The following SGCZ variants were observed in gnomAD, a reference collection of about 807,000 sequenced individuals.
SGCZ encodes zeta-sarcoglycan.
In SGCZ, 40 loss-of-function variants were observed where a neutral mutation model predicts 41.3. The observed-to-expected ratio is 0.97, with a 90% confidence interval of 0.75 to 1.26. The LOEUF is 1.26. Ranked by LOEUF, SGCZ falls within the 50% of genes most tolerant of loss-of-function variation. The pLI is 0.00. For synonymous variants in SGCZ, 206 were observed against 137.5 expected, an observed-to-expected ratio of 1.50 and a Z score of -3.49; for missense variants, 552 against 369.8, an observed-to-expected ratio of 1.49 and a Z score of -4.04.
chr8:14,437,872 G>T (rs1800137932), intron 2 of SGCZ, among the ~76,000 whole-genome samples: 1 of 151,620 alleles, frequency 6.6e-6, no homozygotes, highest in Non-Finnish European at 1.5e-5. Flanking sequence ...AATATCATAT[G>T]AAGTAATATC....
At chr8:14,599,001 G>C (rs1433818606) in intron 1 of SGCZ, among the ~76,000 whole-genome samples, 4 of 152,006 alleles carry the variant, frequency 2.6e-5, no homozygotes, top group African/African-American at 4.8e-5. Context: ...TCCACATAAT[G>C]TTTAAAATAC....
At chr8:14,213,473 G>C (rs1805886165) in intron 4 of SGCZ, among the ~76,000 whole-genome samples, 1 of 151,664 alleles carries the variant, frequency 6.6e-6, no homozygotes, top group African/African-American at 2.4e-5. Flanking sequence ...AGGAACTAAA[G>C]GAAAATAAAC....
chr8:14,309,036 A>T (rs1801437851), intron 3 of SGCZ: 2 of 1,263,206 alleles, frequency 1.6e-6, no homozygotes, highest in Non-Finnish European at 2.2e-6. Flanking sequence ...ATGAAACCGG[A>T]AGCCTCCCCT....
At chr8:14,487,909 G>C (rs1163948370) in intron 2 of SGCZ, 1 of 152,140 alleles carries the variant, frequency 6.6e-6, no homozygotes, top group South Asian at 2.1e-4. Flanking sequence ...CTACTCTGTA[G>C]TAAGTGTTAT....
intron 1 of SGCZ, among the ~76,000 whole-genome samples, chr8:14,687,176 A>G (rs1052687573): frequency 1.4e-5 from 2 of 146,744 alleles, no homozygotes; most frequent in African/African-American, 4.9e-5. Context: ...AAAAAAATAT[A>G]TATATATATA....
intron 1 of SGCZ, among the ~76,000 whole-genome samples, chr8:14,628,654 A>G (rs1806543098): frequency 6.6e-6 from 1 of 152,212 alleles, no homozygotes; most frequent in African/African-American, 2.4e-5. Context: ...GCAAATGACA[A>G]GAGACAAAAC....
At chr8:14,366,710 A>G (rs2117148849) in intron 2 of SGCZ, among the ~76,000 whole-genome samples, 1 of 152,278 alleles carries the variant, frequency 6.6e-6, no homozygotes, top group Non-Finnish European at 1.5e-5. Context: ...AATTCCCTGA[A>G]GTGTTAACTC....
chr8:14,957,786 G>A (rs1800837619), intron 1 of SGCZ, among the ~76,000 whole-genome samples: 1 of 151,952 alleles, frequency 6.6e-6, no homozygotes. Flanking sequence ...TTCTCATGGT[G>A]GATGCTGTAG....
chr8:15,144,172 A>C (rs909194436), intron 1 of SGCZ, among the ~76,000 whole-genome samples: 4 of 152,234 alleles, frequency 2.6e-5, no homozygotes, highest in Non-Finnish European at 1.5e-5. Context: ...TTGGTGTAAT[A>C]AAAGGTGATA....
chr8:14,395,143 GC>G (rs2117228558), intron 2 of SGCZ, among the ~76,000 whole-genome samples: 1 of 152,212 alleles, frequency 6.6e-6, no homozygotes, highest in East Asian at 1.9e-4. Flanking sequence ...TCTGTTCTTA[GC>G]TTTTCTCTCA....
intron 1 of SGCZ, among the ~76,000 whole-genome samples, chr8:14,595,400 AACACACACACAC>A (rs34287378): frequency 5.3e-4 from 72 of 136,378 alleles, no homozygotes; most frequent in Middle Eastern, 3.9e-3. Context: ...AACATGCACA[AACACACACACAC>A]ACACACACAC....
At chr8:14,901,268 A>G (rs958579069) in intron 1 of SGCZ, among the ~76,000 whole-genome samples, 2 of 152,138 alleles carry the variant, frequency 1.3e-5, no homozygotes, top group African/African-American at 2.4e-5. Flanking sequence ...TCCTGTGATG[A>G]CTCACTGGTA....
At chr8:14,753,835 T>G (rs1051337337) in intron 1 of SGCZ, among the ~76,000 whole-genome samples, 4 of 152,230 alleles carry the variant, frequency 2.6e-5, no homozygotes, top group Non-Finnish European at 5.9e-5. Context: ...TGGACAACTT[T>G]CACTAGCTGC....
intron 1 of SGCZ, among the ~76,000 whole-genome samples, chr8:15,157,558 T>A (rs192825644): frequency 1.6e-3 from 240 of 152,306 alleles, no homozygotes; most frequent in African/African-American, 5.1e-3. Flanking sequence ...TATGCCTTCA[T>A]CACTTGTAAT....
chr8:14,681,761 T>C (rs1474369141), intron 1 of SGCZ, among the ~76,000 whole-genome samples: 1 of 152,158 alleles, frequency 6.6e-6, no homozygotes, highest in Non-Finnish European at 1.5e-5. Context: ...GGTGAATGAA[T>C]ATCTTAGAGA....
intron 1 of SGCZ, among the ~76,000 whole-genome samples, chr8:14,629,130 C>T (rs542278853): frequency 4.4e-4 from 67 of 152,168 alleles, no homozygotes; most frequent in African/African-American, 1.6e-3. Flanking sequence ...AAAATTGAAG[C>T]CCCTATATCC....
At chr8:14,953,234 G>A (rs1363297537) in intron 1 of SGCZ, among the ~76,000 whole-genome samples, 1 of 152,108 alleles carries the variant, frequency 6.6e-6, no homozygotes, top group African/African-American at 2.4e-5. Context: ...CAGTCATGGT[G>A]CAAGGCGAAG....
At position 14,375,416 on chromosome 8, in the gene SGCZ, G is replaced by C. The variant is rs141826207; in HGVS notation, c.235-51212C>G. On this transcript the variant is annotated intron_variant, in intron 2 of 7. Transcript: ENST00000382080. ...AAGAAGGCCTAAATCCCATGATCAA[G>C]AACATAATTATTAGGAAGGTTGACT... Among the ~76,000 whole-genome samples the C allele has an allele frequency of 8.9e-3, 1,358 of 152,152 alleles. 14 individuals carry two copies. The highest frequency in any genetic ancestry group is 0.019 in the African/African-American group (796 of 41,508).
intron 1 of SGCZ, among the ~76,000 whole-genome samples, chr8:14,594,815 T>C (rs10091580): frequency 0.23 from 34,358 of 151,708 alleles, 4,145 homozygotes; most frequent in Admixed American, 0.25. Flanking sequence ...GACTATGCAA[T>C]GTTATGACGT....
Sources: allele counts gnomAD v4.1 joint callset (sites outside exome capture counted in the v4.1 genomes callset), GRCh38; gene constraint gnomAD v4.1.1; transcripts MANE v1.5; gene names NCBI Gene and HGNC (gene_info 2026-07-23, HGNC 2026-07-21).